BEND5: variants seen among roughly 807,000 people sequenced by gnomAD.
The protein encoded by BEND5 is BEN domain containing 5.
In BEND5, 22 loss-of-function variants were observed where a neutral mutation model predicts 43.9. That is an observed-to-expected ratio of 0.50 (90% CI 0.36 to 0.72). The LOEUF (loss-of-function observed/expected upper bound fraction) is 0.72. Among genes scored for constraint, BEND5 ranks in the 30% least tolerant of loss-of-function variants. The pLI is 0.00. For missense variants in BEND5, 428 were observed against 550.6 expected, an observed-to-expected ratio of 0.78 and a Z score of 2.23; for synonymous variants, 228 against 225.9, an observed-to-expected ratio of 1.01 and a Z score of -0.08.
chr1:48,771,874 GT>G, intron 1 of BEND5, among the ~76,000 whole-genome samples: 1 of 152,328 alleles, frequency 6.6e-6, no homozygotes, highest in Admixed American at 6.5e-5. Context: ...TCCCCCAAGT[GT>G]GGGGTTTCTT....
chr1:48,747,487 AAGTAT>A (rs1259530399), intron 3 of BEND5, among the ~76,000 whole-genome samples: 1 of 152,232 alleles, frequency 6.6e-6, no homozygotes, highest in African/African-American at 2.4e-5. Flanking sequence ...CCCAGAGACA[AAGTAT>A]GTTCCTGTTC....
In BEND5 at chr1:48,776,660, G is replaced by T. The variant is rs1172991958; in HGVS notation, c.172C>A (p.Pro58Thr). ...GAGPESPPRA[P>T]RDWGALLLHK... ...AGCAACAGCGCGCCCCAGTCGCGGG[G>T]GGCGCGCGGGGGGCTCTCGGGCCCG... Residue 58 changes from proline to threonine, a missense_variant, in exon 1 of 6, where the codon CCC becomes ACC. Pro to Thr is a conservative substitution (Grantham distance 38). This residue lies in a region of BEND5 where 107 missense variants were observed against 98.8 expected (regional missense o/e 1.08). Coordinates refer to ENST00000371833, the MANE Select transcript of BEND5 (RefSeq NM_024603.4). 6.7e-7 allele frequency: 1 copy of T among 1,494,240 alleles called. No individual in the cohort carries two copies. 92.6% of individuals were successfully genotyped at this position (1,494,240 alleles called of 1,614,324 possible).
intron 2 of BEND5, among the ~76,000 whole-genome samples, chr1:48,759,877 C>A (rs994158740): frequency 3.3e-5 from 5 of 152,224 alleles, no homozygotes; most frequent in African/African-American, 1.2e-4. Context: ...TGTTTCTCCT[C>A]TGCCTACTCA....
intron 3 of BEND5, among the ~76,000 whole-genome samples, chr1:48,746,479 A>C (rs942858390): frequency 1.3e-5 from 2 of 152,136 alleles, no homozygotes; most frequent in Non-Finnish European, 2.9e-5. Flanking sequence ...GGACTGATAG[A>C]CTTCTGTCAA....
chr1:48,745,828 G>GT (rs1395671675), intron 3 of BEND5, among the ~76,000 whole-genome samples: 5 of 152,122 alleles, frequency 3.3e-5, no homozygotes, highest in African/African-American at 9.7e-5. Flanking sequence ...CCTTCCTTGG[G>GT]TAGTAGAGCT....
chr1:48,770,099 T>C (rs1310812291), intron 1 of BEND5, among the ~76,000 whole-genome samples: 2 of 152,192 alleles, frequency 1.3e-5, no homozygotes, highest in African/African-American at 2.4e-5. Flanking sequence ...CTCTCTGCTG[T>C]TATATTGCTC....
At position 48,776,849 on chromosome 1, in the gene BEND5, G is replaced by A; in HGVS notation, c.-18C>T. The stretch of plus-strand genomic sequence containing the variant: ...GCGTACATGGTGGGCGCCGGGGGCG[G>A]GCCCCGGTCGGGCAGCTCAGCCCGC... On this transcript the variant is annotated 5_prime_UTR_variant, in exon 1 of 6. Coordinates refer to ENST00000371833, the MANE Select transcript of BEND5 (RefSeq NM_024603.4). The A allele has an allele frequency of 6.7e-7, 1 of 1,488,478 alleles. No homozygotes were observed. Among genetic ancestry groups the A allele is most frequent in the Non-Finnish European group, 8.9e-7 (1 of 1,120,432 alleles). 92.2% of individuals were successfully genotyped at this position (1,488,478 alleles called of 1,614,324 possible).
At chr1:48,759,494 G>A in intron 2 of BEND5, 1 of 999,788 alleles carries the variant, frequency 1.0e-6, no homozygotes, top group Non-Finnish European at 1.4e-6. Flanking sequence ...AGTGGGGAAG[G>A]GGCTTGCCCA....
At chr1:48,749,708 T>C (rs1301230068) in intron 3 of BEND5, among the ~76,000 whole-genome samples, 1 of 152,210 alleles carries the variant, frequency 6.6e-6, no homozygotes, top group African/African-American at 2.4e-5. Context: ...TTGTCACCTC[T>C]AGAAGCTCTG....
intron 4 of BEND5, among the ~76,000 whole-genome samples, chr1:48,742,420 GA>G (rs963819734): frequency 1.1e-4 from 8 of 75,988 alleles, no homozygotes; most frequent in South Asian, 1.0e-3. Context: ...AAGAAAGAAA[GA>G]AAAAAAAAAG....
In BEND5 at chr1:48,736,050, G is replaced by C. The variant is rs1648988542; in HGVS notation, c.1108+189C>G. On this transcript the variant is annotated intron_variant, in intron 5 of 5. Coordinates refer to ENST00000371833, the MANE Select transcript of BEND5 (RefSeq NM_024603.4). The surrounding 1 kb of genome is among the most constrained non-coding windows in gnomAD (Gnocchi z 4.0). ...GAATATAATCGTACTTGTGTCCACA[G>C]CTCATCTGCCCTGGTAAATGTGAGC... Among the ~76,000 whole-genome samples, 1 of 152,212 alleles carries C rather than the reference G, an allele frequency of 6.6e-6. No individual in the cohort carries two copies. The highest frequency in any genetic ancestry group is 1.5e-5 in the Non-Finnish European group (1 of 68,042).
intron 3 of BEND5, among the ~76,000 whole-genome samples, chr1:48,743,252 T>C (rs1650210631): frequency 6.6e-6 from 1 of 152,182 alleles, no homozygotes; most frequent in Non-Finnish European, 1.5e-5. Context: ...ACCTAGTATC[T>C]AGACTGGAGC....
At position 48,761,316 on chromosome 1, in the gene BEND5, AGAAAG is replaced by A. The variant is rs1644245482; in HGVS notation, c.360+16_360+20del. ...TGAAAATGCTCCAGCATACCTCCAA[AGAAAG>A]GAAAGATTTTGTTACCTTGATGTGT... On this transcript the variant is annotated intron_variant, in intron 2 of 5. Transcript: ENST00000371833. 1 of 1,540,356 alleles carries A rather than the reference AGAAAG, an allele frequency of 6.5e-7. No individual in the cohort carries two copies. Among genetic ancestry groups the A allele is most frequent in the African/African-American group, 1.4e-5 (1 of 72,394 alleles).
intron 1 of BEND5, among the ~76,000 whole-genome samples, chr1:48,775,789 A>C (rs1237146652): frequency 1.3e-5 from 2 of 152,224 alleles, no homozygotes; most frequent in Non-Finnish European, 2.9e-5. Flanking sequence ...TGGAGATGAG[A>C]CTAGCTGCCT....
intron 1 of BEND5, among the ~76,000 whole-genome samples, chr1:48,773,132 G>C (rs952708756): frequency 2.6e-5 from 4 of 152,060 alleles, no homozygotes; most frequent in Non-Finnish European, 5.9e-5. Flanking sequence ...GCAGTAAGGA[G>C]ACATCTGAAA....
chr1:48,776,861 G>A lies in BEND5; in HGVS notation c.-30C>T, dbSNP rs1385140542. On this transcript the variant is annotated 5_prime_UTR_variant, in exon 1 of 6. Coordinates refer to ENST00000371833, the MANE Select transcript of BEND5 (RefSeq NM_024603.4). ...GGCGCCGGGGGCGGGCCCCGGTCGG[G>A]CAGCTCAGCCCGCGGGGCGGGCGCG... 6.9e-7 allele frequency: 1 copy of A among 1,449,872 alleles called. No individual in the cohort carries two copies. The highest frequency in any genetic ancestry group is 9.1e-7 in the Non-Finnish European group (1 of 1,094,378). 89.8% of individuals were successfully genotyped at this position (1,449,872 alleles called of 1,614,324 possible).
At position 48,758,938 on chromosome 1, in the gene BEND5, C is replaced by T. The variant is rs1489188075; in HGVS notation, c.707G>A (p.Arg236Gln). The change falls in exon 3 of 6, where the codon CGG (arginine) becomes CAG (glutamine). Residue 236 changes from arginine (R) to glutamine (Q), a missense_variant. Coordinates refer to ENST00000371833, the MANE Select transcript of BEND5 (RefSeq NM_024603.4). ...SEMKELRDLNRRLQDVLLLRL... is the reference protein window; with the variant it reads ...SEMKELRDLNQRLQDVLLLRL... ...CAGGAGCAGCACGTCCTGGAGCCTC[C>T]GGTTAAGGTCACGGAGCTCCTTCAT... The T allele has an allele frequency of 3.2e-6, 5 of 1,576,984 alleles. No homozygotes were observed. The highest frequency in any genetic ancestry group is 2.4e-5 in the South Asian group (2 of 84,950).
intron 1 of BEND5, among the ~76,000 whole-genome samples, chr1:48,769,570 C>CACA (rs34256470): frequency 0.014 from 2,016 of 142,330 alleles, 24 homozygotes; most frequent in Admixed American, 0.019. Flanking sequence ...CACACACACA[C>CACA]AAGTTAAATT....
At chr1:48,773,396 T>C (rs779137129) in intron 1 of BEND5, among the ~76,000 whole-genome samples, 25 of 152,010 alleles carry the variant, frequency 1.6e-4, no homozygotes, top group South Asian at 4.1e-4. Flanking sequence ...AGGTCAAAGG[T>C]GAGTCAAACT....
Sources: allele counts gnomAD v4.1 joint callset (sites outside exome capture counted in the v4.1 genomes callset), GRCh38; gene constraint gnomAD v4.1.1; regional missense constraint gnomAD v4.1.1; non-coding constraint Gnocchi (gnomAD v3.1); transcripts MANE v1.5; gene names NCBI Gene and HGNC (gene_info 2026-07-23, HGNC 2026-07-21).